ME3: variants seen among roughly 807,000 people sequenced by gnomAD.
ME3 encodes malic enzyme 3, also known as NADP-dependent malic enzyme, mitochondrial.
Under a neutral mutation model 68.9 loss-of-function variants are expected in ME3, and 48 were observed. The observed-to-expected ratio is 0.70, with a 90% CI of 0.55 to 0.89. The LOEUF is 0.89. Ranked by LOEUF, ME3 falls within the 40% of genes least tolerant of loss-of-function variation. The pLI, the probability that ME3 is intolerant of heterozygous loss-of-function variation, is 0.00. For synonymous variants in ME3, 320 were observed against 318.8 expected (o/e 1.00, Z -0.04); for missense variants, 675 against 797.4 (o/e 0.85, Z 1.85).
intron 5 of ME3, among the ~76,000 whole-genome samples, chr11:86,500,251 T>C (rs1341458319): frequency 6.6e-6 from 1 of 152,228 alleles, no homozygotes; most frequent in African/African-American, 2.4e-5. Context: ...GAAGGGGCAG[T>C]GAGTGACATG....
At chr11:86,538,140 T>C (rs1955812193) in intron 4 of ME3, among the ~76,000 whole-genome samples, 1 of 152,196 alleles carries the variant, frequency 6.6e-6, no homozygotes, top group African/African-American at 2.4e-5. Flanking sequence ...GTGTTTGCTT[T>C]CTTGTGGTTG....
At chr11:86,502,133 A>G (rs1952764590) in intron 5 of ME3, among the ~76,000 whole-genome samples, 1 of 152,210 alleles carries the variant, frequency 6.6e-6, no homozygotes, top group African/African-American at 2.4e-5. Context: ...ATTTTGTATA[A>G]GGCTTGTACT....
At chr11:86,477,976 CTG>C (rs1951179062) in intron 7 of ME3, among the ~76,000 whole-genome samples, 1 of 152,128 alleles carries the variant, frequency 6.6e-6, no homozygotes, top group East Asian at 1.9e-4. Flanking sequence ...AACTGGGAAA[CTG>C]TTCTGCTCCT....
At chr11:86,617,251 T>C (rs1943040504) in intron 2 of ME3, among the ~76,000 whole-genome samples, 1 of 151,630 alleles carries the variant, frequency 6.6e-6, no homozygotes, top group African/African-American at 2.4e-5. Flanking sequence ...AAAATAATAA[T>C]GCAGTTAAAG....
Position 86,603,836 on chromosome 11 carries a change from A to AGG in ME3, c.184-44014_184-44013insCC, listed in dbSNP as rs1469577758. ...TGGAAATCATCATTCTCAGTAAACT[A>AGG]TCACAAGGACAAAAAACCAAGCACC... is the stretch of plus-strand genomic sequence containing the variant. On this transcript the variant is annotated intron_variant, in intron 2 of 14. Transcript: ENST00000543262. Among the ~76,000 whole-genome samples, 3 of 151,354 alleles carry AGG rather than the reference A, an allele frequency of 2.0e-5. No homozygotes were observed. The East Asian group carries it at 5.9e-4, about 30-fold the overall frequency.
intron 2 of ME3, among the ~76,000 whole-genome samples, chr11:86,602,473 G>C (rs1223897706): frequency 6.6e-6 from 1 of 152,112 alleles, no homozygotes; most frequent in Non-Finnish European, 1.5e-5. Flanking sequence ...ACAAATGGAA[G>C]AACATTCTAT....
chr11:86,587,558 C>T (rs1473514351), intron 2 of ME3, among the ~76,000 whole-genome samples: 1 of 152,188 alleles, frequency 6.6e-6, no homozygotes, highest in Non-Finnish European at 1.5e-5. Flanking sequence ...CGAGTCTTGC[C>T]CCTGGAGTAA....
At chr11:86,602,601 C>A (rs1181827207) in intron 2 of ME3, among the ~76,000 whole-genome samples, 1 of 152,076 alleles carries the variant, frequency 6.6e-6, no homozygotes, top group African/African-American at 2.4e-5. Context: ...TTGGAAAAAA[C>A]TACTTTAAAG....
intron 4 of ME3, among the ~76,000 whole-genome samples, chr11:86,540,187 T>C (rs1044853039): frequency 2.6e-5 from 4 of 152,172 alleles, no homozygotes; most frequent in African/African-American, 7.2e-5. Flanking sequence ...GAGTTCTGGA[T>C]TGAATGATGG....
At chr11:86,460,141 T>C (rs2138695280) in intron 8 of ME3, among the ~76,000 whole-genome samples, 1 of 152,288 alleles carries the variant, frequency 6.6e-6, no homozygotes, top group South Asian at 2.1e-4. Context: ...ACAACAAAAG[T>C]CACCTGAGCC....
intron 2 of ME3, among the ~76,000 whole-genome samples, chr11:86,639,634 A>T (rs1333740667): frequency 6.6e-6 from 1 of 152,206 alleles, no homozygotes; most frequent in Non-Finnish European, 1.5e-5. Context: ...CAGATGAGAA[A>T]ATCACTCATA....
chr11:86,664,429 G>A (rs940720043), intron 2 of ME3, among the ~76,000 whole-genome samples: 1 of 152,132 alleles, frequency 6.6e-6, no homozygotes, highest in Non-Finnish European at 1.5e-5. Context: ...TACTTAACAC[G>A]ATATACTTTC....
intron 7 of ME3, among the ~76,000 whole-genome samples, chr11:86,466,523 A>G (rs961793637): frequency 6.6e-5 from 10 of 152,030 alleles, no homozygotes; most frequent in Non-Finnish European, 1.2e-4. Flanking sequence ...TTGTTAGAGA[A>G]GGTGGGTGGG....
chr11:86,502,889 C>G (rs1442637214), intron 5 of ME3, among the ~76,000 whole-genome samples: 1 of 152,174 alleles, frequency 6.6e-6, no homozygotes, highest in Non-Finnish European at 1.5e-5. Flanking sequence ...TGACCCAATA[C>G]TGACCTGAGG....
rs184202125 is a variant in ME3, at chr11:86,543,833, C to G, written c.467+12720G>C. Among the ~76,000 whole-genome samples, 732 of 152,268 alleles carry G rather than the reference C, an allele frequency of 4.8e-3. 5 individuals carry two copies. The highest frequency in any genetic ancestry group is 0.017 in the African/African-American group (698 of 41,556). Reference sequence around the variant, plus strand: ...ATAGACATCTACAGAACTCTCCACCCCAAATCAACAGAATATACATTCTTC... The same window carrying G: ...ATAGACATCTACAGAACTCTCCACCGCAAATCAACAGAATATACATTCTTC... On this transcript the variant is annotated intron_variant, in intron 4 of 14. Transcript: ENST00000543262.
chr11:86,525,837 G>A (rs1231321515), intron 4 of ME3, among the ~76,000 whole-genome samples: 1 of 148,192 alleles, frequency 6.7e-6, no homozygotes, highest in Non-Finnish European at 1.5e-5. Context: ...ACTCCAGCCT[G>A]GGCAACAAGG....
intron 2 of ME3, among the ~76,000 whole-genome samples, chr11:86,613,996 A>G (rs1473400717): frequency 6.6e-6 from 1 of 152,220 alleles, no homozygotes; most frequent in Non-Finnish European, 1.5e-5. Flanking sequence ...GAACCAACAG[A>G]GAGCCTGTAT....
At chr11:86,620,986 C>G (rs540497584) in intron 2 of ME3, among the ~76,000 whole-genome samples, 1 of 152,214 alleles carries the variant, frequency 6.6e-6, no homozygotes, top group East Asian at 1.9e-4. Context: ...TACAATACAG[C>G]CCAGGTTCCT....
chr11:86,651,959 G>C lies in ME3; in HGVS notation c.183+19803C>G, dbSNP rs748910022. Among the ~76,000 whole-genome samples, 93 of 152,328 alleles carry C rather than the reference G, an allele frequency of 6.1e-4. 1 individual carries two copies. Among genetic ancestry groups the C allele is most frequent in the Non-Finnish European group, 1.3e-4 (9 of 68,032 alleles). Reference sequence around the variant, plus strand: ...CCACATGACGAATGCACAAGCCTCAGTAGCCGATTCGATCAACTGGAAGAA... The same window carrying C: ...CCACATGACGAATGCACAAGCCTCACTAGCCGATTCGATCAACTGGAAGAA... On this transcript the variant is annotated intron_variant, in intron 2 of 14. Transcript: ENST00000543262.
Sources: gnomAD v4.1 joint callset for allele counts (sites outside exome capture counted in the v4.1 genomes callset) on GRCh38, gnomAD v4.1.1 for gene constraint, MANE v1.5 for transcripts, NCBI Gene and HGNC (gene_info 2026-07-23, HGNC 2026-07-21) for gene names.